LEPROTL1: variants seen among roughly 807,000 people sequenced by gnomAD.
LEPROTL1 encodes leptin receptor overlapping transcript like 1.
Under a neutral mutation model 15.4 loss-of-function variants are expected in LEPROTL1, and 6 were observed. The observed-to-expected ratio is 0.39, with a 90% CI of 0.21 to 0.77. The LOEUF is 0.77. Ranked by LOEUF, LEPROTL1 falls within the 30% of genes least tolerant of loss-of-function variation. LEPROTL1 has a pLI of 0.41. For missense variants in LEPROTL1, 128 were observed against 158.1 expected (o/e 0.81, Z 1.02); for synonymous variants, 56 against 52.6 (o/e 1.06, Z -0.28).
chr8:30,098,575 C>T (rs533229973), intron 1 of LEPROTL1, among the ~76,000 whole-genome samples: 1 of 152,238 alleles, frequency 6.6e-6, no homozygotes, highest in African/African-American at 2.4e-5. Context: ...TAGTAATGGA[C>T]TTAGCTGTCT....
downstream of LEPROTL1, among the ~76,000 whole-genome samples, chr8:30,112,898 A>T: frequency 6.6e-6 from 1 of 152,010 alleles, no homozygotes; most frequent in Non-Finnish European, 1.5e-5. Context: ...CAAACTTTTT[A>T]AAAACACATT....
At chr8:30,110,307 A>G (rs1802634474), downstream of LEPROTL1, among the ~76,000 whole-genome samples, 1 of 152,210 alleles carries the variant, frequency 6.6e-6, no homozygotes, top group Non-Finnish European at 1.5e-5. Context: ...GATTAAGACC[A>G]TAAAACACTT....
At chr8:30,112,023 T>C (rs1168042975), downstream of LEPROTL1, among the ~76,000 whole-genome samples, 2 of 152,144 alleles carry the variant, frequency 1.3e-5, no homozygotes, top group African/African-American at 4.8e-5. Flanking sequence ...GTGGAGTCAG[T>C]GATGACTACC....
rs1445852492 is a variant in LEPROTL1 at position 30,101,971 on chromosome 8, C to T, written c.90C>T (p.Tyr30=). 4 of 1,589,428 alleles carry T rather than the reference C, an allele frequency of 2.5e-6. No homozygotes were observed. The highest frequency in any genetic ancestry group is 3.4e-6 in the Non-Finnish European group (4 of 1,162,004). Residue 30 remains tyrosine (Y), a splice_region_variant and synonymous_variant, in exon 2 of 4, where the codon TAC becomes TAT. Coordinates refer to ENST00000321250, the MANE Select transcript of LEPROTL1 (RefSeq NM_015344.3). ...TGCTTGGATGTGCCCTTCCAATATA[C>T]AAGTATGTAAAATGTTTGTCTTTCT... is the stretch of plus-strand genomic sequence containing the variant. The part of the protein sequence containing the change: ...FLMLGCALPI[Y]NKYWPLFVLF...
intron 4 of LEPROTL1, chr8:30,132,526 T>G (rs762897669): frequency 1.3e-6 from 2 of 1,551,722 alleles, no homozygotes; most frequent in South Asian, 2.4e-5. Context: ...CCACACGACA[T>G]AGATGCACTC....
In LEPROTL1 at chr8:30,095,584, G is replaced by T. The variant is rs999123903; in HGVS notation, c.16+56G>T. 1.5e-5 allele frequency: 20 copies of T among 1,295,634 alleles called. No homozygotes were observed. In the African/African-American group the frequency reaches 3.0e-4, roughly 19 times the overall value. The allele number at this position is 1,295,634 out of a possible 1,614,324, so 80.3% of individuals were successfully genotyped here. Reference sequence around the variant, plus strand: ...TGGGGCCGGCGGGGGAAGATGGGCCGGGGGTCCCACGCGGCCCCCGCACTT... The same window carrying T: ...TGGGGCCGGCGGGGGAAGATGGGCCTGGGGTCCCACGCGGCCCCCGCACTT... On this transcript the variant is annotated intron_variant, in intron 1 of 3. Transcript: ENST00000321250.
chr8:30,110,901 G>A (rs994343357), downstream of LEPROTL1, among the ~76,000 whole-genome samples: 2 of 152,304 alleles, frequency 1.3e-5, no homozygotes, highest in South Asian at 2.1e-4. Context: ...TTGATATATA[G>A]TGTGTCTGGC....
At position 30,126,843 on chromosome 8, in the gene LEPROTL1, T is replaced by C. The variant is rs146906462; in HGVS notation, c.280-5532T>C. ...ACTTGAGGCCAGAAGTTCAAGACCA[T>C]CCTGGCCATCATGGCAAATCCCCAT... On this transcript the variant is annotated intron_variant, in intron 3 of 4. Transcript: ENST00000442880. Among the ~76,000 whole-genome samples, 1,519 of 152,112 alleles carry C rather than the reference T, an allele frequency of 1.0e-2. 27 individuals carry two copies. The highest frequency in any genetic ancestry group is 0.039 in the Admixed American group (588 of 15,270).
chr8:30,134,305 C>T (rs926697497), intron 4 of LEPROTL1, among the ~76,000 whole-genome samples: 1 of 152,104 alleles, frequency 6.6e-6, no homozygotes, highest in African/African-American at 2.4e-5. Flanking sequence ...CACCTGTAGT[C>T]CTAGCTACTC....
intron 1 of LEPROTL1, among the ~76,000 whole-genome samples, 199 bp from the exon 2 acceptor site, chr8:30,101,699 A>G (rs7821959): frequency 0.74 from 104,992 of 142,298 alleles, 40,985 homozygotes; most frequent in South Asian, 0.86. Context: ...AAAAAAGGCC[A>G]GTGTCACTTC....
chr8:30,131,452 G>A (rs535591363), intron 3 of LEPROTL1, among the ~76,000 whole-genome samples: 66 of 151,728 alleles, frequency 4.3e-4, no homozygotes, highest in Non-Finnish European at 8.7e-4. Flanking sequence ...ACTGCACCTG[G>A]CCCAAATTTC....
chr8:30,124,220 A>G lies in LEPROTL1; in HGVS notation c.280-8155A>G, dbSNP rs59477548. Among the ~76,000 whole-genome samples, 320 of 152,290 alleles carry G rather than the reference A, an allele frequency of 2.1e-3. 3 individuals are homozygous for G. Among genetic ancestry groups the G allele is most frequent in the African/African-American group, 6.4e-3 (265 of 41,572 alleles). The stretch of plus-strand genomic sequence containing the variant: ...GAGGGGATGGGTCACTGGGGCCACA[A>G]TGATTTTTTGCAGTTTTTGATCTTT... On this transcript the variant is annotated intron_variant, in intron 3 of 4. Transcript: ENST00000442880.
At chr8:30,120,703 G>GT (rs1338897047) in intron 3 of LEPROTL1, among the ~76,000 whole-genome samples, 2 of 151,928 alleles carry the variant, frequency 1.3e-5, no homozygotes, top group Non-Finnish European at 2.9e-5. Flanking sequence ...GCTAATTTTC[G>GT]TATTTCTTTT....
In LEPROTL1 at chr8:30,137,343, G is replaced by A. The variant is rs898300983; in HGVS notation, c.*31G>A. ...AAGGAAGAGAAACACTGACACAGCA[G>A]CTGCCTCTCCCAGCAGCCGCCATGA... On this transcript the variant is annotated 3_prime_UTR_variant, in exon 5 of 5. Coordinates refer to the LEPROTL1 transcript ENST00000442880. 2.0e-5 allele frequency: 31 copies of A among 1,551,600 alleles called. No individual in the cohort carries two copies. The African/African-American group carries it at 3.8e-4, about 19-fold the overall frequency.
At chr8:30,127,886 G>A (rs532013820) in intron 3 of LEPROTL1, among the ~76,000 whole-genome samples, 14 of 152,102 alleles carry the variant, frequency 9.2e-5, no homozygotes, top group African/African-American at 3.1e-4. Flanking sequence ...TTTTTAAAAA[G>A]AGCGGGTGGG....
chr8:30,096,716 G>A (rs888463842), intron 1 of LEPROTL1, among the ~76,000 whole-genome samples: 6 of 152,012 alleles, frequency 3.9e-5, no homozygotes, highest in African/African-American at 1.5e-4. Flanking sequence ...CAATAATGCG[G>A]GGGTCTCTTA....
intron 3 of LEPROTL1, chr8:30,117,590 A>G: frequency 7.0e-7 from 1 of 1,432,926 alleles, no homozygotes; most frequent in Non-Finnish European, 9.8e-7. Context: ...TGAGGTTCAC[A>G]ACAATTTTCC....
intron 1 of LEPROTL1, chr8:30,096,255 G>C (rs1003033166): frequency 2.1e-6 from 2 of 963,536 alleles, no homozygotes; most frequent in Admixed American, 6.2e-5. Context: ...AAAACTACTG[G>C]CTTATTCATG....
rs983532793 is a variant in LEPROTL1, at chr8:30,106,924, A to C, written c.*1062A>C. 1.0e-6 allele frequency: 1 copy of C among 985,548 alleles called. No homozygotes were observed. The highest frequency in any genetic ancestry group is 1.2e-6 in the Non-Finnish European group (1 of 829,646). 61.1% of individuals were successfully genotyped at this position (985,548 alleles called of 1,614,324 possible). A position where few individuals can be genotyped will look rare whatever the true frequency, so the allele number is the denominator to read the frequency against. ...GAAGTGTTTACTTACCTGGAAAATA[A>C]TTGCTATGCCGTACATTCAGAGTGC... On this transcript the variant is annotated 3_prime_UTR_variant, in exon 4 of 4. Coordinates refer to ENST00000321250, the MANE Select transcript of LEPROTL1 (RefSeq NM_015344.3).
Sources: gnomAD v4.1 joint callset for allele counts (sites outside exome capture counted in the v4.1 genomes callset) on GRCh38, gnomAD v4.1.1 for gene constraint, MANE v1.5 for transcripts, NCBI Gene and HGNC (gene_info 2026-07-23, HGNC 2026-07-21) for gene names.